The following BCKDHB variants were observed in gnomAD, a reference collection of about 807,000 sequenced individuals.
BCKDHB encodes the protein branched chain keto acid dehydrogenase E1 subunit beta, also known as 2-oxoisovalerate dehydrogenase subunit beta, mitochondrial.
In BCKDHB, 41 loss-of-function variants were observed where a neutral mutation model predicts 48.5. The observed-to-expected ratio is 0.85, with a 90% confidence interval of 0.66 to 1.10. The LOEUF (loss-of-function observed/expected upper bound fraction) is 1.10. Among genes scored for constraint, BCKDHB ranks in the 50% least tolerant of loss-of-function variants. The pLI, the probability that BCKDHB is intolerant of heterozygous loss-of-function variation, is 0.00. For synonymous variants in BCKDHB, 201 were observed against 174.8 expected (o/e 1.15, Z -1.18); for missense variants, 496 against 494.2 (o/e 1.00, Z -0.03).
At chr6:80,297,757 A>C (rs1767328327) in intron 9 of BCKDHB, among the ~76,000 whole-genome samples, 1 of 152,212 alleles carries the variant, frequency 6.6e-6, no homozygotes, top group African/African-American at 2.4e-5. Context: ...ATACTTGCAG[A>C]GATGAGTATC....
the BCKDHB span, among the ~76,000 whole-genome samples, chr6:80,413,706 G>C: frequency 6.6e-6 from 1 of 152,122 alleles, no homozygotes; most frequent in African/African-American, 2.4e-5. Flanking sequence ...CCATTGATGG[G>C]CACTTAGATT....
chr6:80,165,177 A>G (rs1305816841), intron 3 of BCKDHB, among the ~76,000 whole-genome samples: 3 of 152,166 alleles, frequency 2.0e-5, no homozygotes, highest in Non-Finnish European at 4.4e-5. Flanking sequence ...AAGGTGGTTC[A>G]GGTATTCCAG....
intron 5 of BCKDHB, among the ~76,000 whole-genome samples, chr6:80,170,620 G>C (rs1772861890): frequency 6.6e-6 from 1 of 152,118 alleles, no homozygotes; most frequent in Non-Finnish European, 1.5e-5. Context: ...AATTCACAGA[G>C]TGCTTGGCCA....
At chr6:80,457,375 C>A in the BCKDHB span, among the ~76,000 whole-genome samples, 12 of 152,162 alleles carry the variant, frequency 7.9e-5, no homozygotes, top group Non-Finnish European at 1.2e-4. Flanking sequence ...CTTCTAGTCC[C>A]CTGCAGCTAT....
chr6:80,246,618 C>G (rs1399112444), intron 8 of BCKDHB, among the ~76,000 whole-genome samples: 1 of 152,154 alleles, frequency 6.6e-6, no homozygotes, highest in East Asian at 1.9e-4. Flanking sequence ...GTAAAGCTTT[C>G]AGCTCATTCT....
At chr6:80,176,885 C>T (rs1409533942) in intron 6 of BCKDHB, among the ~76,000 whole-genome samples, 1 of 152,106 alleles carries the variant, frequency 6.6e-6, no homozygotes, top group Admixed American at 6.5e-5. Context: ...GAAAAGGAAG[C>T]TATAAACCCA....
At chr6:80,201,692 C>T (rs976389098) in intron 7 of BCKDHB, among the ~76,000 whole-genome samples, 1 of 152,112 alleles carries the variant, frequency 6.6e-6, no homozygotes, top group Non-Finnish European at 1.5e-5. Flanking sequence ...CAGTGACCCT[C>T]TCTGCTGATC....
the BCKDHB span, among the ~76,000 whole-genome samples, chr6:80,351,644 T>C: frequency 0.34 from 25,023 of 73,864 alleles, 2,535 homozygotes; most frequent in South Asian, 0.54. Flanking sequence ...TTTTTTTTTT[T>C]CTTTTTTTTT....
intron 9 of BCKDHB, among the ~76,000 whole-genome samples, chr6:80,292,272 A>G (rs1411934401): frequency 6.6e-6 from 1 of 152,214 alleles, no homozygotes; most frequent in Non-Finnish European, 1.5e-5. Context: ...ACTGCTGATA[A>G]AGACATACCT....
At chr6:80,249,980 G>A (rs1776768204) in intron 8 of BCKDHB, among the ~76,000 whole-genome samples, 1 of 152,164 alleles carries the variant, frequency 6.6e-6, no homozygotes, top group Non-Finnish European at 1.5e-5. Context: ...TGTAGATTCT[G>A]TGAGGGGAAG....
intron 1 of BCKDHB, among the ~76,000 whole-genome samples, chr6:80,122,759 T>A (rs560671073): frequency 4.6e-5 from 7 of 152,148 alleles, no homozygotes; most frequent in Non-Finnish European, 7.4e-5. Context: ...ATCTTCAGCT[T>A]TGCACATATT....
At chr6:80,203,342 T>C (rs1030312944) in intron 8 of BCKDHB, 130 bp downstream of exon 8, 2 of 713,194 alleles carry the variant, frequency 2.8e-6, no homozygotes, top group Admixed American at 2.2e-5. Context: ...ACTTTTAAAT[T>C]TGCAGCATGA....
the BCKDHB span, among the ~76,000 whole-genome samples, chr6:80,357,591 A>T: frequency 6.6e-6 from 1 of 152,340 alleles, no homozygotes; most frequent in East Asian, 1.9e-4. Context: ...CATAGGAGAC[A>T]GGTAAATATC....
the BCKDHB span, among the ~76,000 whole-genome samples, chr6:80,432,224 C>T: frequency 1.3e-5 from 2 of 152,050 alleles, no homozygotes; most frequent in African/African-American, 2.4e-5. Flanking sequence ...TGAATGTTGG[C>T]CTGCCTTGCT....
chr6:80,445,216 T>G, the BCKDHB span, among the ~76,000 whole-genome samples: 1 of 152,308 alleles, frequency 6.6e-6, no homozygotes, highest in African/African-American at 2.4e-5. Context: ...ACTTTGCAGT[T>G]AGTAGGACAA....
chr6:80,370,561 C>A, the BCKDHB span, among the ~76,000 whole-genome samples: 12 of 152,038 alleles, frequency 7.9e-5, no homozygotes, highest in African/African-American at 2.9e-4. Context: ...GCCATCCTTT[C>A]CCCTGAGTCC....
At chr6:80,466,325 T>C in the BCKDHB span, among the ~76,000 whole-genome samples, 2 of 152,198 alleles carry the variant, frequency 1.3e-5, no homozygotes, top group Admixed American at 6.5e-5. Context: ...TTTGGAAGAT[T>C]GTAGAAATAA....
the BCKDHB span, among the ~76,000 whole-genome samples, chr6:80,395,962 G>C: frequency 2.3e-4 from 35 of 152,188 alleles, no homozygotes; most frequent in Non-Finnish European, 1.5e-5. Context: ...TGGGTGCAAA[G>C]AAGTCAAAAA....
At chr6:80,115,235 T>C (rs1024784571) in intron 1 of BCKDHB, among the ~76,000 whole-genome samples, 2 of 151,954 alleles carry the variant, frequency 1.3e-5, no homozygotes, top group African/African-American at 4.8e-5. Context: ...AACCCTGAAC[T>C]CTCCTGGGCT....
Sources: allele counts gnomAD v4.1 joint callset (sites outside exome capture counted in the v4.1 genomes callset), GRCh38; gene constraint gnomAD v4.1.1; transcripts MANE v1.5; gene names NCBI Gene and HGNC (gene_info 2026-07-23, HGNC 2026-07-21).